ZFP28: variants seen among roughly 807,000 people sequenced by gnomAD.
The protein encoded by ZFP28 is zinc finger protein 28 homolog.
A neutral mutation model predicts 39.5 loss-of-function variants in ZFP28; 31 were observed. The ratio of observed to expected loss-of-function variants is 0.79; its 90% CI spans 0.59 to 1.06. The LOEUF is 1.06. ZFP28 is among the 50% of genes least tolerant of loss of function. The pLI, the probability that ZFP28 is intolerant of heterozygous loss-of-function variation, is 0.00. For missense variants in ZFP28, 925 were observed against 1,048.4 expected, an observed-to-expected ratio of 0.88 and a Z score of 1.63; for synonymous variants, 400 against 378.6, an observed-to-expected ratio of 1.06 and a Z score of -0.66.
intron 2 of ZFP28, chr19:56,546,816 GT>G (rs1196923091): frequency 6.6e-6 from 1 of 152,498 alleles, no homozygotes; most frequent in East Asian, 1.9e-4. Context: ...CATAGAACAA[GT>G]TAGTCTTTGT....
At position 56,550,558 on chromosome 19, in the gene ZFP28, A is replaced by T. The variant is rs761686445; in HGVS notation, c.851A>T (p.Lys284Met). The T allele has an allele frequency of 5.0e-6, 8 of 1,614,050 alleles. No individual in the cohort carries two copies. The highest frequency in any genetic ancestry group is 1.3e-5 in the African/African-American group (1 of 74,930). Residue 284 changes from lysine to methionine, a missense_variant, in exon 7 of 8, where the codon AAG (lysine) becomes ATG (methionine). By Grantham distance (95) the Lys-to-Met change is moderately conservative. Around this residue, in one of 2 missense-constraint regions of ZFP28, gnomAD observed 556 missense variants for 542.9 expected, o/e 1.02. Coordinates refer to ENST00000301318, the MANE Select transcript of ZFP28 (RefSeq NM_020828.2). Reference protein sequence around the residue: ...PDLVSLLEQEKEPWMVKRELT... With the variant: ...PDLVSLLEQEMEPWMVKRELT... Reference sequence around the variant, plus strand: ...TTAGTCTCTTTACTAGAGCAAGAGAAGGAGCCCTGGATGGTGAAGCGAGAG... The same window carrying T: ...TTAGTCTCTTTACTAGAGCAAGAGATGGAGCCCTGGATGGTGAAGCGAGAG...
chr19:56,551,369 C>A (rs2044300820), intron 7 of ZFP28: 12 of 985,870 alleles, frequency 1.2e-5, no homozygotes, highest in Non-Finnish European at 1.4e-5. Context: ...CACCTTAGAT[C>A]CATTTAAGTC....
Position 56,555,275 on chromosome 19 carries a change from T to A in ZFP28, c.2490T>A (p.His830Gln), listed in dbSNP as rs370265382. The change falls in exon 8 of 8, where the codon CAT becomes CAA. Residue 830 changes from histidine to glutamine, a missense_variant. Coordinates refer to ENST00000301318, the MANE Select transcript of ZFP28 (RefSeq NM_020828.2). ...TCAGGCAAACTGCTCACTTAGCTCATCATCAGCGAATTCATACTGGAGAGT... is the reference window on the plus strand; with the variant it reads ...TCAGGCAAACTGCTCACTTAGCTCAACATCAGCGAATTCATACTGGAGAGT... ...KVFRQTAHLAHHQRIHTGESS... is the reference protein window; with the variant it reads ...KVFRQTAHLAQHQRIHTGESS... The A allele has an allele frequency of 6.2e-7, 1 of 1,614,076 alleles. No individual in the cohort carries two copies. Among genetic ancestry groups the A allele is most frequent in the African/African-American group, 1.3e-5 (1 of 74,924 alleles).
In ZFP28 at chr19:56,555,209, TG is replaced by T. The variant is rs749400774; in HGVS notation, c.2426del (p.Gly809GlufsTer20). 3.1e-6 allele frequency: 5 copies of T among 1,614,208 alleles called. No individual in the cohort carries two copies. In the Admixed American group the frequency reaches 8.3e-5, roughly 27 times the overall value. On this transcript the variant is annotated frameshift_variant, in exon 8 of 8. Transcript: ENST00000301318. LOFTEE classifies it low-confidence loss of function (END_TRUNC). Reference protein sequence around the residue: ...HLNQHKRVHTGERSYNYKKSR... With the variant: ...HLNQHKRVHTXERSYNYKKSR... Reference sequence around the variant, plus strand: ...TTAATCAACATAAGAGAGTTCATACTGGAGAGAGATCTTATAACTATAAGAA... The same window carrying T: ...TTAATCAACATAAGAGAGTTCATACTGAGAGAGATCTTATAACTATAAGAA...
At chr19:56,539,534 C>T (rs926477943) in intron 1 of ZFP28, 91 bp from the exon 2 acceptor site, 3 of 1,135,796 alleles carry the variant, frequency 2.6e-6, no homozygotes, top group African/African-American at 3.1e-5. Flanking sequence ...ATGATCTGAT[C>T]CCACCTTTTC....
chr19:56,554,579 T>C lies in ZFP28; in HGVS notation c.1794T>C (p.Phe598=). 1.9e-6 allele frequency: 3 copies of C among 1,614,160 alleles called. No individual in the cohort carries two copies. Among genetic ancestry groups the C allele is most frequent in the Non-Finnish European group, 2.5e-6 (3 of 1,180,020 alleles). ...AGTGTAAAGAGTGCGGAAAAGCTTTTAGGCAGAATATACACCTTGCCAGTC... is the reference window on the plus strand; with the variant it reads ...AGTGTAAAGAGTGCGGAAAAGCTTTCAGGCAGAATATACACCTTGCCAGTC... ...PFKCKECGKA[F]RQNIHLASHL... The change falls in exon 8 of 8, where the codon TTT becomes TTC. Residue 598 remains phenylalanine, a synonymous_variant. Transcript: ENST00000301318. The surrounding 1 kb of genome is among the most constrained non-coding windows in gnomAD (Gnocchi z 6.7).
rs1482705909 is a variant in ZFP28, at chr19:56,554,625, G to A, written c.1840G>A (p.Glu614Lys). ...LASHLRIHTG[E>K]KPFECAECGK... ...CAGTCATTTAAGGATTCATACTGGGGAGAAGCCTTTTGAATGTGCGGAGTG... is the reference window on the plus strand; with the variant it reads ...CAGTCATTTAAGGATTCATACTGGGAAGAAGCCTTTTGAATGTGCGGAGTG... The change falls in exon 8 of 8, where the codon GAG becomes AAG. Residue 614 changes from glutamate (E) to lysine (K), a missense_variant. Glu to Lys is a moderately conservative substitution (Grantham distance 56). Around this residue, in one of 2 missense-constraint regions of ZFP28, gnomAD observed 369 missense variants for 505.5 expected, o/e 0.73. Transcript: ENST00000301318. The surrounding 1 kb of genome is among the most constrained non-coding windows in gnomAD (Gnocchi z 6.7). The A allele has an allele frequency of 6.8e-6, 11 of 1,613,188 alleles. No homozygotes were observed. The highest frequency in any genetic ancestry group is 9.3e-6 in the Non-Finnish European group (11 of 1,179,322).
intron 7 of ZFP28, 133 bp downstream of exon 7, chr19:56,550,738 A>G (rs762709937): frequency 6.4e-7 from 1 of 1,550,658 alleles, no homozygotes; most frequent in Non-Finnish European, 8.7e-7. Flanking sequence ...AGAAAATTGA[A>G]CTCTGGGAGT....
rs747277691 is a variant in ZFP28 at position 56,555,419 on chromosome 19, A to C, written c.*27A>C. The C allele has an allele frequency of 1.3e-6, 2 of 1,564,196 alleles. No homozygotes were observed. Among genetic ancestry groups the C allele is most frequent in the African/African-American group, 2.8e-5 (2 of 72,722 alleles). ...CTCGAGACGTCATTTCTGTTTGACT[A>C]CTCCAGCAGTTTAAAACCCCATCTC... On this transcript the variant is annotated 3_prime_UTR_variant, in exon 8 of 8. Transcript: ENST00000301318.
intron 7 of ZFP28, chr19:56,552,333 G>C (rs953199229): frequency 3.9e-5 from 6 of 152,122 alleles, no homozygotes; most frequent in African/African-American, 1.4e-4. Context: ...TGAGAATACT[G>C]TTTCTAGACA....
intron 7 of ZFP28, chr19:56,551,795 T>C: frequency 1.0e-6 from 1 of 984,308 alleles, no homozygotes; most frequent in Non-Finnish European, 1.2e-6. Flanking sequence ...TATCTTCTTG[T>C]AAAATGTCTG....
rs1568482728 is a variant in ZFP28, at chr19:56,538,972, G to C, written c.-47G>C. On this transcript the variant is annotated 5_prime_UTR_variant, in exon 1 of 8. Transcript: ENST00000301318. ...GCGGGCGGGTGTGGCCAGGGGTGTG[G>C]GTCTGTGAGGGACCGGTCGGAAGGG... The C allele has an allele frequency of 1.5e-6, 2 of 1,323,392 alleles. No homozygotes were observed. Among genetic ancestry groups the C allele is most frequent in the Non-Finnish European group, 1.9e-6 (2 of 1,036,572 alleles). The allele number at this position is 1,323,392 out of a possible 1,614,324, so 82.0% of individuals were successfully genotyped here. A position where few individuals can be genotyped will look rare whatever the true frequency, so the allele number is the denominator to read the frequency against.
chr19:56,554,262 C>T lies in ZFP28; in HGVS notation c.1477C>T (p.Arg493Cys), dbSNP rs756793483. Reference sequence around the variant, plus strand: ...TTTCATACAGAACACATCCCTTATCCGTCACTGGAGATACTATCATACTGG... The same window carrying T: ...TTTCATACAGAACACATCCCTTATCTGTCACTGGAGATACTATCATACTGG... ...KAFIQNTSLIRHWRYYHTGEK... is the reference protein window; with the variant it reads ...KAFIQNTSLICHWRYYHTGEK... Residue 493 changes from arginine to cysteine, a missense_variant, in exon 8 of 8, where the codon CGT (arginine) becomes TGT (cysteine). Arg to Cys is a radical substitution (Grantham distance 180). This residue lies in a region of ZFP28 where 369 missense variants were observed against 505.5 expected (regional missense o/e 0.73). Transcript: ENST00000301318. This position sits in a 1 kb window ranked among gnomAD's most constrained non-coding sequence, Gnocchi z 6.7. 8 of 1,614,028 alleles carry T rather than the reference C, an allele frequency of 5.0e-6. No individual in the cohort carries two copies. In the East Asian group the frequency reaches 8.9e-5, roughly 18 times the overall value.
intron 7 of ZFP28, chr19:56,551,149 G>C: frequency 4.0e-6 from 4 of 1,000,602 alleles, no homozygotes; most frequent in Non-Finnish European, 4.8e-6. Flanking sequence ...GCATTATAGA[G>C]ACAAAGGAGA....
chr19:56,540,149 A>G (rs2044183127), intron 2 of ZFP28, among the ~76,000 whole-genome samples: 1 of 152,212 alleles, frequency 6.6e-6, no homozygotes, highest in African/African-American at 2.4e-5. Flanking sequence ...GAAACAAGCA[A>G]GATTCTAGAA....
At chr19:56,539,284 G>T in intron 1 of ZFP28, 58 bp downstream of exon 1, 1 of 1,500,400 alleles carries the variant, frequency 6.7e-7, no homozygotes, top group Non-Finnish European at 8.9e-7. Context: ...CTCGGGATGA[G>T]ATCTGGGAGG....
chr19:56,550,265 G>A, intron 6 of ZFP28, 84 bp downstream of exon 6: 1 of 1,335,570 alleles, frequency 7.5e-7, no homozygotes, highest in African/African-American at 1.5e-5. Context: ...GGAGGAGGGA[G>A]GGGGTGTCTT....
chr19:56,551,694 T>C (rs2044305092), intron 7 of ZFP28: 14 of 984,988 alleles, frequency 1.4e-5, no homozygotes, highest in East Asian at 1.1e-4. Flanking sequence ...ATGAAAACTT[T>C]TGCTCATTAT....
At position 56,547,272 on chromosome 19, in the gene ZFP28, C is replaced by T. The variant is rs1446979652; in HGVS notation, c.301-236C>T. The T allele has an allele frequency of 1.9e-6, 1 of 533,536 alleles. No individual in the cohort carries two copies. The highest frequency in any genetic ancestry group is 2.4e-5 in the South Asian group (1 of 41,198). The allele number at this position is 533,536 out of a possible 1,614,324, so 33.1% of individuals were successfully genotyped here. ...TGCCTGCACACCGTGGTATCTCTTC[C>T]TGTTTTAATAAGGACACCAGACAGA... On this transcript the variant is annotated intron_variant, in intron 2 of 7. Transcript: ENST00000301318. The surrounding 1 kb of genome is among the most constrained non-coding windows in gnomAD (Gnocchi z 4.6).
Sources: gnomAD v4.1 joint callset for allele counts (sites outside exome capture counted in the v4.1 genomes callset) on GRCh38, gnomAD v4.1.1 for gene constraint, gnomAD v4.1.1 regional missense constraint, Gnocchi (gnomAD v3.1) non-coding constraint, MANE v1.5 for transcripts, NCBI Gene and HGNC (gene_info 2026-07-23, HGNC 2026-07-21) for gene names.